Variants in TRPM3 observed in about 807,000 individuals in gnomAD.
TRPM3 encodes the protein long transient receptor potential channel 3.
In TRPM3, 77 loss-of-function variants were observed where a neutral mutation model predicts 181.2. That is an observed-to-expected ratio of 0.42 (90% CI 0.35 to 0.51). The LOEUF (loss-of-function observed/expected upper bound fraction) is 0.51. Ranked by LOEUF, TRPM3 falls within the 20% of genes least tolerant of loss-of-function variation. The probability of loss-of-function intolerance (pLI) is 0.01; values close to 1 mark genes in which losing one functional copy is unlikely to be tolerated. For synonymous variants in TRPM3, 745 were observed against 796.4 expected, an observed-to-expected ratio of 0.94 and a Z score of 1.09; for missense variants, 1,759 against 2,196.7, an observed-to-expected ratio of 0.80 and a Z score of 3.98.
At chr9:71,091,124 G>C (rs1187071477) in intron 1 of TRPM3, among the ~76,000 whole-genome samples, 1 of 152,082 alleles carries the variant, frequency 6.6e-6, no homozygotes, top group African/African-American at 2.4e-5. Context: ...AACAACTTGA[G>C]ATCTCAAAGC....
intron 1 of TRPM3, among the ~76,000 whole-genome samples, chr9:71,390,787 T>A (rs1409611003): frequency 1.3e-5 from 2 of 152,030 alleles, no homozygotes; most frequent in African/African-American, 4.8e-5. Flanking sequence ...AAAGGTGTAC[T>A]AGCAAAGGTG....
At chr9:70,976,623 G>A (rs1217451887) in intron 1 of TRPM3, among the ~76,000 whole-genome samples, 1 of 152,174 alleles carries the variant, frequency 6.6e-6, no homozygotes, top group African/African-American at 2.4e-5. Flanking sequence ...ATGATGCAGT[G>A]GTTAAAGGCC....
intron 1 of TRPM3, among the ~76,000 whole-genome samples, chr9:71,268,209 T>C (rs954248358): frequency 6.6e-6 from 1 of 151,674 alleles, no homozygotes; most frequent in African/African-American, 2.4e-5. Context: ...GGTGAAACAA[T>C]GCCCTACTAA....
At chr9:70,796,806 G>T (rs772693117) in intron 6 of TRPM3, among the ~76,000 whole-genome samples, 2 of 150,902 alleles carry the variant, frequency 1.3e-5, no homozygotes, top group African/African-American at 4.8e-5. Context: ...TCTACATGTC[G>T]TAGTTGCTCT....
At chr9:71,000,488 T>C (rs2097587103) in intron 1 of TRPM3, among the ~76,000 whole-genome samples, 1 of 152,254 alleles carries the variant, frequency 6.6e-6, no homozygotes, top group Non-Finnish European at 1.5e-5. Flanking sequence ...TTAACGTATA[T>C]ATAAACAACA....
rs372143854 is a variant in TRPM3 at position 71,204,082 on chromosome 9, A to G, written c.183+242571T>C. ...TAATTCAAGATGGATTAAAGACTTA[A>G]ACATTAGACCTAAAACCATAAAAAC... On this transcript the variant is annotated intron_variant, in intron 1 of 24. Coordinates refer to the TRPM3 transcript ENST00000357533. 5.5e-3 allele frequency among the ~76,000 whole-genome samples: 834 copies of G among 150,478 alleles called. 9 individuals carry two copies. The highest frequency in any genetic ancestry group is 0.019 in the African/African-American group (774 of 40,190).
chr9:70,912,103 C>A (rs1202500470), intron 1 of TRPM3, among the ~76,000 whole-genome samples: 2 of 152,108 alleles, frequency 1.3e-5, no homozygotes, highest in African/African-American at 4.8e-5. Context: ...ATGAGTGTCT[C>A]AATCTGTGCA....
rs2067433690 is a variant in TRPM3, at chr9:71,097,117, G to A, written c.177+24061C>T. The stretch of plus-strand genomic sequence containing the variant: ...TTTGCTGTCAGAAAGACTCTAGGAT[G>A]GGTTGCTTTATAATGTTTGTTTGTT... On this transcript the variant is annotated intron_variant, in intron 1 of 25. Coordinates refer to ENST00000677713, the MANE Select transcript of TRPM3 (RefSeq NM_001366145.2). Among the ~76,000 whole-genome samples, 4 of 152,122 alleles carry A rather than the reference G, an allele frequency of 2.6e-5. No individual in the cohort carries two copies. In the South Asian group the frequency reaches 8.3e-4, roughly 32 times the overall value.
chr9:70,994,689 C>T (rs1421155), intron 1 of TRPM3, among the ~76,000 whole-genome samples: 34,560 of 152,014 alleles, frequency 0.23, 4,669 homozygotes, highest in East Asian at 0.33. Flanking sequence ...CACCAGCTTA[C>T]TCAGCATCCA....
rs1448487089 is a variant in TRPM3, at chr9:71,148,519, T to C, written c.184-284008A>G. Among the ~76,000 whole-genome samples, 3 of 152,166 alleles carry C rather than the reference T, an allele frequency of 2.0e-5. No homozygotes were observed. The East Asian group carries it at 5.8e-4, about 29-fold the overall frequency. ...TTAATCTCCTGTCTTGTCTTCTGCCTACTGTTCACAGAATTCTTTGGAGCA... is the reference window on the plus strand; with the variant it reads ...TTAATCTCCTGTCTTGTCTTCTGCCCACTGTTCACAGAATTCTTTGGAGCA... On this transcript the variant is annotated intron_variant, in intron 1 of 24. Coordinates refer to the TRPM3 transcript ENST00000357533.
At chr9:71,166,222 A>G (rs931225867) in intron 1 of TRPM3, among the ~76,000 whole-genome samples, 1 of 152,140 alleles carries the variant, frequency 6.6e-6, no homozygotes, top group African/African-American at 2.4e-5. Flanking sequence ...CGGCAGCCAC[A>G]GAAGTCACCA....
intron 1 of TRPM3, among the ~76,000 whole-genome samples, chr9:71,085,379 C>G (rs1018206214): frequency 1.3e-5 from 2 of 151,980 alleles, no homozygotes; most frequent in Non-Finnish European, 2.9e-5. Context: ...GCAAACAGTG[C>G]ATTCAGCAAA....
At chr9:70,762,903 C>T (rs2078404298) in intron 7 of TRPM3, among the ~76,000 whole-genome samples, 2 of 152,196 alleles carry the variant, frequency 1.3e-5, no homozygotes, top group Admixed American at 1.3e-4. Flanking sequence ...CACTGCCTCT[C>T]TTCATCACTG....
intron 11 of TRPM3, among the ~76,000 whole-genome samples, chr9:70,638,554 AAAAAC>A (rs931785650): frequency 6.6e-6 from 1 of 152,070 alleles, no homozygotes; most frequent in Non-Finnish European, 1.5e-5. Flanking sequence ...TACTAAGCTA[AAAAAC>A]AAAACAAAAC....
intron 12 of TRPM3, among the ~76,000 whole-genome samples, chr9:70,626,815 GC>G (rs1297231279): frequency 9.9e-5 from 15 of 152,198 alleles, no homozygotes; most frequent in Non-Finnish European, 1.5e-5. Flanking sequence ...TCCTTACTCA[GC>G]TTTTCTATGG....
intron 1 of TRPM3, among the ~76,000 whole-genome samples, chr9:71,311,949 G>T (rs1041168468): frequency 6.6e-6 from 1 of 152,082 alleles, no homozygotes; most frequent in Non-Finnish European, 1.5e-5. Context: ...TGCATCCTGG[G>T]CCACATGAGG....
At chr9:70,868,538 C>T (rs2095706910) in intron 1 of TRPM3, among the ~76,000 whole-genome samples, 1 of 152,008 alleles carries the variant, frequency 6.6e-6, no homozygotes, top group Non-Finnish European at 1.5e-5. Context: ...TTTGAATCTT[C>T]TTACTATGTC....
At chr9:70,548,810 C>T (rs958443302) in intron 25 of TRPM3, among the ~76,000 whole-genome samples, 3 of 151,210 alleles carry the variant, frequency 2.0e-5, no homozygotes, top group Non-Finnish European at 2.9e-5. Flanking sequence ...GCTAGACTTA[C>T]TAGGTTTAAA....
intron 22 of TRPM3, among the ~76,000 whole-genome samples, chr9:70,572,496 T>A (rs2052707289): frequency 6.6e-6 from 1 of 152,218 alleles, no homozygotes; most frequent in Admixed American, 6.5e-5. Context: ...TTGTGTTTTA[T>A]TATCATTCTT....
Sources: allele counts gnomAD v4.1 joint callset (sites outside exome capture counted in the v4.1 genomes callset), GRCh38; gene constraint gnomAD v4.1.1; transcripts MANE v1.5; gene names NCBI Gene and HGNC (gene_info 2026-07-23, HGNC 2026-07-21).